The following DOCK10 variants were observed in gnomAD, a reference collection of about 807,000 sequenced individuals.
The protein encoded by DOCK10 is dedicator of cytokinesis protein 10.
Under a neutral mutation model 280.1 loss-of-function variants are expected in DOCK10, and 145 were observed. The ratio of observed to expected loss-of-function variants is 0.52; its 90% CI spans 0.45 to 0.59. DOCK10 has a LOEUF of 0.59. Among genes scored for constraint, DOCK10 ranks in the 20% least tolerant of loss-of-function variants. The probability of loss-of-function intolerance (pLI) is 0.00; values close to 1 mark genes in which losing one functional copy is unlikely to be tolerated. For missense variants in DOCK10, 2,368 were observed against 2,651.7 expected, an observed-to-expected ratio of 0.89 and a Z score of 2.35; for synonymous variants, 915 against 942.2, an observed-to-expected ratio of 0.97 and a Z score of 0.53.
chr2:224,823,369 G>C (rs1694634705), intron 28 of DOCK10, 132 bp downstream of exon 28: 1 of 704,296 alleles, frequency 1.4e-6, no homozygotes, highest in African/African-American at 1.9e-5. Flanking sequence ...ATGTATAAAT[G>C]AAAGTTTTCA....
chr2:224,978,846 T>C (rs1384365249), intron 1 of DOCK10, among the ~76,000 whole-genome samples: 2 of 152,234 alleles, frequency 1.3e-5, no homozygotes, highest in East Asian at 3.9e-4. Flanking sequence ...AGGGTGAGCT[T>C]AGATTCTGTC....
intron 15 of DOCK10, 47 bp downstream of exon 15, chr2:224,856,813 C>T (rs1229579816): frequency 5.3e-6 from 8 of 1,520,564 alleles, no homozygotes; most frequent in Non-Finnish European, 7.1e-6. Flanking sequence ...GATAAAAAAT[C>T]AACATGGCTG....
intron 4 of DOCK10, among the ~76,000 whole-genome samples, chr2:224,888,455 T>C (rs1052209543): frequency 6.6e-6 from 1 of 152,032 alleles, no homozygotes; most frequent in African/African-American, 2.4e-5. Flanking sequence ...TGAATATACA[T>C]GCATGTATGT....
At chr2:224,780,534 A>G (rs1166283490) in intron 50 of DOCK10, among the ~76,000 whole-genome samples, 1 of 152,208 alleles carries the variant, frequency 6.6e-6, no homozygotes, top group African/African-American at 2.4e-5. Flanking sequence ...ACACATTTTC[A>G]CTGTAAAATT....
chr2:224,933,635 A>T (rs1702520664), intron 1 of DOCK10, among the ~76,000 whole-genome samples: 1 of 152,118 alleles, frequency 6.6e-6, no homozygotes, highest in Admixed American at 6.5e-5. Flanking sequence ...TCTGCCTTAG[A>T]TTTGGTTCAT....
chr2:224,935,630 C>T (rs1702642696), intron 1 of DOCK10, among the ~76,000 whole-genome samples: 1 of 152,164 alleles, frequency 6.6e-6, no homozygotes, highest in East Asian at 1.9e-4. Flanking sequence ...TTAGTTAGTG[C>T]TGCCTCACAG....
Position 224,816,661 on chromosome 2 carries a change from T to A in DOCK10, c.3320A>T (p.His1107Leu). 1 of 1,609,580 alleles carries A rather than the reference T, an allele frequency of 6.2e-7. No homozygotes were observed. Among genetic ancestry groups the A allele is most frequent in the Non-Finnish European group, 8.5e-7 (1 of 1,177,534 alleles). The change falls in exon 30 of 56, where the codon CAC (histidine) becomes CTC (leucine). Residue 1107 changes from histidine (H) to leucine (L), a missense_variant. His to Leu is a moderately conservative substitution (Grantham distance 99). Coordinates refer to ENST00000258390, the MANE Select transcript of DOCK10 (RefSeq NM_014689.3). ...TATGGGCAGACACAAAGGGATAAAG[T>A]GTTCATGTTGACATACTTCTTGAAG... The part of the protein sequence containing the change: ...DFLQEVCQHE[H>L]FIPLCLPIRS...
At chr2:224,796,831 C>A in intron 43 of DOCK10, 133 bp downstream of exon 43, 1 of 761,122 alleles carries the variant, frequency 1.3e-6, no homozygotes. Context: ...GAACTGAATG[C>A]TGTGGGCGTC....
rs150531834 is a variant in DOCK10, at chr2:224,986,833, C to A, written c.124-55165G>T. The stretch of plus-strand genomic sequence containing the variant: ...TGTTTTGCTAGAGCAGCCCTAGTAC[C>A]CTAGCAGGCCAATACAAGGACCTTG... On this transcript the variant is annotated intron_variant, in intron 1 of 55. Coordinates refer to ENST00000258390, the MANE Select transcript of DOCK10 (RefSeq NM_014689.3). 6.5e-3 allele frequency among the ~76,000 whole-genome samples: 991 copies of A among 152,192 alleles called. 11 individuals carry two copies. The highest frequency in any genetic ancestry group is 0.022 in the African/African-American group (932 of 41,534).
intron 4 of DOCK10, among the ~76,000 whole-genome samples, chr2:224,889,562 A>G (rs1028569577): frequency 2.6e-5 from 4 of 152,216 alleles, no homozygotes; most frequent in Admixed American, 1.3e-4. Flanking sequence ...TCTCTTCCAA[A>G]GGAGGTTATC....
chr2:224,845,548 G>A lies in DOCK10; in HGVS notation c.2330C>T (p.Ala777Val). Residue 777 changes from alanine to valine, a missense_variant, in exon 20 of 56, where the codon GCC (alanine) becomes GTC (valine). By Grantham distance (64) the Ala-to-Val change is moderately conservative. Coordinates refer to ENST00000258390, the MANE Select transcript of DOCK10 (RefSeq NM_014689.3). ...CGTTTCCAGAGCCTCCTTCTTTTTG[G>A]CATTAGCTTTTGCATTGATGTCACA... ...VTCDINAKAN[A>V]KKKEALETSV... 6.2e-7 allele frequency: 1 copy of A among 1,612,332 alleles called. No homozygotes were observed. Among genetic ancestry groups the A allele is most frequent in the Non-Finnish European group, 8.5e-7 (1 of 1,179,458 alleles).
chr2:224,770,670 G>C lies in DOCK10; in HGVS notation c.6205-25C>G. On this transcript the variant is annotated intron_variant, in intron 53 of 55. Transcript: ENST00000258390. The surrounding 1 kb of genome is among the most constrained non-coding windows in gnomAD (Gnocchi z 4.5). ...CCTGTTGAGAAGAAAATTGGTGAAG[G>C]ATGATCTACCTTCTGCATGGAGTCT... is the stretch of plus-strand genomic sequence containing the variant. The C allele has an allele frequency of 6.5e-7, 1 of 1,538,546 alleles. No individual in the cohort carries two copies.
intron 31 of DOCK10, among the ~76,000 whole-genome samples, chr2:224,814,011 A>G (rs1482076752): frequency 3.9e-5 from 6 of 152,224 alleles, no homozygotes; most frequent in Non-Finnish European, 7.3e-5. Context: ...AGTCAGTTAC[A>G]TTGAACAAGC....
chr2:224,948,276 T>G (rs1478364995), intron 1 of DOCK10, among the ~76,000 whole-genome samples: 4 of 152,234 alleles, frequency 2.6e-5, no homozygotes, highest in Admixed American at 1.3e-4. Flanking sequence ...TGAGAAGACC[T>G]TCTTTTGAAA....
At chr2:224,800,040 A>C in intron 41 of DOCK10, 111 bp downstream of exon 41, 1 of 593,450 alleles carries the variant, frequency 1.7e-6, no homozygotes. Flanking sequence ...TGATTTATAT[A>C]AGGTTAATTG....
chr2:224,983,688 C>A, intron 1 of DOCK10: 1 of 460,394 alleles, frequency 2.2e-6, no homozygotes, highest in Non-Finnish European at 4.5e-6. Flanking sequence ...TGTCACAACA[C>A]AGCATCGTTT....
rs765915076 is a variant in DOCK10 at position 224,770,195 on chromosome 2, A to G, written c.6444+16T>C. The G allele has an allele frequency of 6.5e-7, 1 of 1,536,232 alleles. No individual in the cohort carries two copies. Among genetic ancestry groups the G allele is most frequent in the South Asian group, 1.3e-5 (1 of 78,382 alleles). Reference sequence around the variant, plus strand: ...TTCTGTCCACTGATAGCGCGTGTGCACCAAGGAGCGCTCACCTGCTCATTC... The same window carrying G: ...TTCTGTCCACTGATAGCGCGTGTGCGCCAAGGAGCGCTCACCTGCTCATTC... On this transcript the variant is annotated intron_variant, in intron 55 of 55. Coordinates refer to ENST00000258390, the MANE Select transcript of DOCK10 (RefSeq NM_014689.3). This position sits in a 1 kb window ranked among gnomAD's most constrained non-coding sequence, Gnocchi z 4.5.
chr2:224,843,063 G>A (rs1463970908), intron 22 of DOCK10, among the ~76,000 whole-genome samples: 2 of 152,182 alleles, frequency 1.3e-5, no homozygotes, highest in Non-Finnish European at 2.9e-5. Context: ...TAATAGCCAC[G>A]GTGCGGGTGG....
In DOCK10 at chr2:224,796,988, C is replaced by A. The variant is rs563171508; in HGVS notation, c.4803G>T (p.Lys1601Asn). The change falls in exon 43 of 56, where the codon AAG becomes AAT. Residue 1601 changes from lysine (K) to asparagine (N), a missense_variant. Coordinates refer to ENST00000258390, the MANE Select transcript of DOCK10 (RefSeq NM_014689.3). Reference protein sequence around the residue: ...MRKNFEFNKQKSIVRSHLQLI... With the variant: ...MRKNFEFNKQNSIVRSHLQLI... ...CTTGTAAGTGGGACCGGACAATTGA[C>A]TTCTGCTTGTTAAATTCAAAATTCT... The A allele has an allele frequency of 2.2e-4, 359 of 1,613,120 alleles. 4 individuals carry two copies. The South Asian group carries it at 3.2e-3, about 14-fold the overall frequency.
Sources: allele counts gnomAD v4.1 joint callset (sites outside exome capture counted in the v4.1 genomes callset), GRCh38; gene constraint gnomAD v4.1.1; non-coding constraint Gnocchi (gnomAD v3.1); transcripts MANE v1.5; gene names NCBI Gene and HGNC (gene_info 2026-07-23, HGNC 2026-07-21).